Variants in AP1G1 observed in about 807,000 individuals in gnomAD.
AP1G1 encodes the protein adaptor related protein complex 1 subunit gamma 1.
In AP1G1, 7 loss-of-function variants were observed where a neutral mutation model predicts 108.3. That is an observed-to-expected ratio of 0.06 (90% CI 0.04 to 0.12). The LOEUF (loss-of-function observed/expected upper bound fraction) is 0.12, where lower values mean the gene tolerates loss of function less well. Among genes scored for constraint, AP1G1 ranks in the 10% least tolerant of loss-of-function variants. The probability of loss-of-function intolerance (pLI) is 1.00; values close to 1 mark genes in which losing one functional copy is unlikely to be tolerated. For synonymous variants in AP1G1, 379 were observed against 353.5 expected (o/e 1.07, Z -0.81); for missense variants, 756 against 1,010.7 (o/e 0.75, Z 3.42).
chr16:71,752,055 C>T (rs1287848385), intron 13 of AP1G1, among the ~76,000 whole-genome samples: 1 of 152,104 alleles, frequency 6.6e-6, no homozygotes, highest in African/African-American at 2.4e-5. Flanking sequence ...ACCCTGACCA[C>T]GTATTCCAGG....
At chr16:71,766,394 G>A in intron 6 of AP1G1, 1 of 466,070 alleles carries the variant, frequency 2.1e-6, no homozygotes, top group South Asian at 1.6e-5. Flanking sequence ...CATAGTAAAG[G>A]CAATTTTACT....
At chr16:71,806,623 C>T (rs113946669) in intron 1 of AP1G1, 20,418 of 1,075,684 alleles carry the variant, frequency 0.019, 239 homozygotes, top group Non-Finnish European at 0.022. Context: ...CTTCTAACAC[C>T]TTACTTGAAA....
intron 19 of AP1G1, chr16:71,742,447 CAT>C (rs1370251155): frequency 1.3e-5 from 2 of 152,068 alleles, no homozygotes; most frequent in African/African-American, 4.8e-5. Context: ...TGCGGTTAAA[CAT>C]ATAAATTGAG....
chr16:71,759,576 T>C (rs2030976855), intron 10 of AP1G1, among the ~76,000 whole-genome samples: 2 of 152,100 alleles, frequency 1.3e-5, no homozygotes, highest in East Asian at 1.9e-4. Context: ...CTGGCTACCA[T>C]GGTGAAACCA....
intron 1 of AP1G1, among the ~76,000 whole-genome samples, chr16:71,805,680 ATTTT>A (rs1031872631): frequency 2.6e-4 from 39 of 152,260 alleles, no homozygotes; most frequent in Non-Finnish European, 4.3e-4. Flanking sequence ...TGCCAATTCA[ATTTT>A]TTTAATTAAA....
Position 71,733,298 on chromosome 16 carries a change from AC to A in AP1G1, c.2368-140del. ...TGTTAAGAATGACAGGTAAACAACA[AC>A]AAAAAACACCCAGTACTCTAGGCTT... On this transcript the variant is annotated intron_variant, in intron 22 of 22. Coordinates refer to ENST00000299980, the MANE Select transcript of AP1G1 (RefSeq NM_001128.6). 4.6e-6 allele frequency: 3 copies of A among 656,646 alleles called. No individual in the cohort carries two copies. The South Asian group carries it at 5.9e-5, about 13-fold the overall frequency. 40.7% of individuals were successfully genotyped at this position (656,646 alleles called of 1,614,324 possible).
In AP1G1 at chr16:71,764,674, C is replaced by A; in HGVS notation, c.791G>T (p.Ser264Ile). The stretch of plus-strand genomic sequence containing the variant: ...TGCTAATATATCATTCATAGCTTCA[C>A]TTGAATCATCATCATTTCGTCCTAA... ...RILGRNDDDS[S>I]EAMNDILAQV... The change falls in exon 8 of 23, where the codon AGT becomes ATT. Residue 264 changes from serine (S) to isoleucine (I), a missense_variant. Physicochemically the swap from Ser to Ile is moderately radical, Grantham distance 142. This residue lies in a region of AP1G1 where 304 missense variants were observed against 483.6 expected (regional missense o/e 0.63). Transcript: ENST00000299980. 6.2e-7 allele frequency: 1 copy of A among 1,611,334 alleles called. No individual in the cohort carries two copies. Among genetic ancestry groups the A allele is most frequent in the Non-Finnish European group, 8.5e-7 (1 of 1,179,228 alleles).
At chr16:71,767,896 G>A in intron 6 of AP1G1, 10 of 1,599,122 alleles carry the variant, frequency 6.3e-6, no homozygotes, top group Non-Finnish European at 8.5e-6. Context: ...CTAACATACA[G>A]CAGGATTCCA....
Position 71,796,975 on chromosome 16 carries a change from G to A in AP1G1, c.-3-7493C>T, listed in dbSNP as rs539970637. Among the ~76,000 whole-genome samples the A allele has an allele frequency of 5.3e-5, 8 of 150,856 alleles. No individual in the cohort carries two copies. The East Asian group carries it at 1.6e-3, about 29-fold the overall frequency. On this transcript the variant is annotated intron_variant, in intron 1 of 22. Transcript: ENST00000299980. The stretch of plus-strand genomic sequence containing the variant: ...GCTTGATTCCAGGAGTTCAAGACCA[G>A]CCTAGGCAACACAGCAAGACCCTGA...
chr16:71,806,067 G>A (rs2032989395), intron 1 of AP1G1, among the ~76,000 whole-genome samples: 3 of 151,620 alleles, frequency 2.0e-5, no homozygotes, highest in East Asian at 1.9e-4. Context: ...AAATCATAAA[G>A]AAGTTGGTTT....
At chr16:71,767,466 C>T (rs565126944) in intron 6 of AP1G1, among the ~76,000 whole-genome samples, 54 of 152,248 alleles carry the variant, frequency 3.5e-4, no homozygotes, top group Middle Eastern at 6.8e-3. Context: ...GCAGTACATA[C>T]GGAGCTTTTT....
At chr16:71,791,047 C>G (rs1334884502) in intron 1 of AP1G1, among the ~76,000 whole-genome samples, 2 of 151,898 alleles carry the variant, frequency 1.3e-5, no homozygotes, top group African/African-American at 4.8e-5. Flanking sequence ...ATTGCAAAAC[C>G]CTGTCTCTAC....
intron 9 of AP1G1, among the ~76,000 whole-genome samples, chr16:71,762,794 G>T (rs562833022): frequency 1.3e-5 from 2 of 152,142 alleles, no homozygotes; most frequent in Non-Finnish European, 2.9e-5. Flanking sequence ...AGTTCTGTGA[G>T]CCACTCTAGC....
chr16:71,789,476 G>A lies in AP1G1; in HGVS notation c.4C>T (p.Pro2Ser). The change falls in exon 2 of 23, where the codon CCA becomes TCA. Residue 2 changes from proline to serine, a missense_variant. By Grantham distance (74) the Pro-to-Ser change is moderately conservative. Transcript: ENST00000299980. M[P>S]APIRLRELIR... ...AGCTCCCGCAATCTGATGGGGGCTG[G>A]CATCCTCTGGATATGGAAAGACATT... 1.2e-6 allele frequency: 2 copies of A among 1,613,862 alleles called. No homozygotes were observed. Among genetic ancestry groups the A allele is most frequent in the Non-Finnish European group, 1.7e-6 (2 of 1,179,840 alleles).
At chr16:71,794,197 C>CTCA (rs1329422806) in intron 1 of AP1G1, among the ~76,000 whole-genome samples, 1 of 152,178 alleles carries the variant, frequency 6.6e-6, no homozygotes, top group Non-Finnish European at 1.5e-5. Context: ...ACTACCTGAC[C>CTCA]CATCAAAGAC....
At chr16:71,769,766 T>G in intron 5 of AP1G1, 67 bp from the exon 6 acceptor site, 1 of 1,335,704 alleles carries the variant, frequency 7.5e-7, no homozygotes, top group Non-Finnish European at 1.1e-6. Flanking sequence ...AACAGGACTT[T>G]GAGTTCCTGA....
chr16:71,751,097 G>A (rs1263987561), intron 13 of AP1G1, among the ~76,000 whole-genome samples: 26 of 150,020 alleles, frequency 1.7e-4, no homozygotes. Flanking sequence ...CGAGCTTGCA[G>A]TGAGCCGAGT....
chr16:71,803,161 C>CT (rs1172384454), intron 1 of AP1G1, among the ~76,000 whole-genome samples: 1 of 151,910 alleles, frequency 6.6e-6, no homozygotes. Flanking sequence ...CTGTAGTAAG[C>CT]TGAGATGGCA....
intron 19 of AP1G1, among the ~76,000 whole-genome samples, chr16:71,739,703 C>T (rs1381993078): frequency 6.8e-6 from 1 of 147,178 alleles, no homozygotes; most frequent in Admixed American, 6.8e-5. Flanking sequence ...AGTGAGCTTG[C>T]ACCACTGTAC....
Sources: gnomAD v4.1 joint callset for allele counts (sites outside exome capture counted in the v4.1 genomes callset) on GRCh38, gnomAD v4.1.1 for gene constraint, gnomAD v4.1.1 regional missense constraint, MANE v1.5 for transcripts, NCBI Gene and HGNC (gene_info 2026-07-23, HGNC 2026-07-21) for gene names.